EML1: variants seen among roughly 807,000 people sequenced by gnomAD.
The protein encoded by EML1 is EMAP like 1.
In EML1, 27 loss-of-function variants were observed where a neutral mutation model predicts 110.4. The ratio of observed to expected loss-of-function variants is 0.24; its 90% CI spans 0.18 to 0.34. The LOEUF is 0.34. Among genes scored for constraint, EML1 ranks in the 10% least tolerant of loss-of-function variants. The pLI, the probability that EML1 is intolerant of heterozygous loss-of-function variation, is 1.00. For missense variants in EML1, 741 were observed against 1,030.9 expected, an observed-to-expected ratio of 0.72 and a Z score of 3.85; for synonymous variants, 344 against 385.8, an observed-to-expected ratio of 0.89 and a Z score of 1.27.
chr14:99,782,979 A>G (rs936510039), intron 1 of EML1, among the ~76,000 whole-genome samples: 2 of 147,480 alleles, frequency 1.4e-5, no homozygotes, highest in African/African-American at 4.8e-5. Flanking sequence ...GAAAGACTCT[A>G]AATCGTTTAT....
chr14:99,794,269 A>G (rs962168840), intron 1 of EML1, among the ~76,000 whole-genome samples: 3 of 152,002 alleles, frequency 2.0e-5, no homozygotes, highest in Non-Finnish European at 2.9e-5. Flanking sequence ...GTTGAAAAAG[A>G]TTTTCATAGC....
intron 1 of EML1, among the ~76,000 whole-genome samples, chr14:99,759,067 G>A (rs2057287193): frequency 6.6e-6 from 1 of 152,248 alleles, no homozygotes; most frequent in Admixed American, 6.5e-5. Flanking sequence ...GCCCAGATGA[G>A]TGATTTACAT....
intron 15 of EML1, 115 bp from the exon 16 acceptor site, chr14:99,917,667 A>G: frequency 1.0e-6 from 1 of 968,676 alleles, no homozygotes; most frequent in South Asian, 1.7e-5. Flanking sequence ...AGAGCCATAT[A>G]GCCCTAAGGA....
At chr14:99,822,709 T>G (rs2058284942) in intron 1 of EML1, among the ~76,000 whole-genome samples, 1 of 152,174 alleles carries the variant, frequency 6.6e-6, no homozygotes, top group African/African-American at 2.4e-5. Flanking sequence ...GCCGTTTCTT[T>G]TTTCTTTATT....
chr14:99,824,184 T>A (rs149697127), intron 1 of EML1, among the ~76,000 whole-genome samples: 3,993 of 152,216 alleles, frequency 0.026, 85 homozygotes, highest in Non-Finnish European at 0.041. Flanking sequence ...GGTCTCAAAC[T>A]CCTGACCTCA....
chr14:99,790,145 G>A (rs1003645847), upstream of EML1, among the ~76,000 whole-genome samples: 1 of 152,062 alleles, frequency 6.6e-6, no homozygotes, highest in Non-Finnish European at 1.5e-5. Flanking sequence ...AAAGAAAGTG[G>A]ACTGAGTTCT....
chr14:99,820,950 A>T (rs898380246), intron 1 of EML1, among the ~76,000 whole-genome samples: 7 of 151,762 alleles, frequency 4.6e-5, no homozygotes, highest in Non-Finnish European at 8.8e-5. Flanking sequence ...CCCGCCCCCA[A>T]TTGCATTTGA....
At chr14:99,857,784 A>G (rs1359352296) in intron 2 of EML1, among the ~76,000 whole-genome samples, 1 of 152,226 alleles carries the variant, frequency 6.6e-6, no homozygotes, top group Non-Finnish European at 1.5e-5. Flanking sequence ...ATTCCACTGG[A>G]TGCAACATTT....
At chr14:99,749,838 C>G (rs1285090279) in intron 1 of EML1, among the ~76,000 whole-genome samples, 1 of 152,244 alleles carries the variant, frequency 6.6e-6, no homozygotes, top group African/African-American at 2.4e-5. Flanking sequence ...ACGTTCAATG[C>G]AGACAGGCTC....
chr14:99,876,560 T>G (rs923482226), intron 3 of EML1, among the ~76,000 whole-genome samples: 8 of 152,212 alleles, frequency 5.3e-5, no homozygotes, highest in African/African-American at 1.7e-4. Flanking sequence ...TCTTCTGTCC[T>G]TGGTCACCTC....
At chr14:99,775,185 A>T (rs761669600) in intron 1 of EML1, among the ~76,000 whole-genome samples, 48 of 152,230 alleles carry the variant, frequency 3.2e-4, no homozygotes, top group Admixed American at 7.2e-4. Context: ...GCATGAGCCT[A>T]TGTCTTCAAG....
At chr14:99,859,225 T>C (rs903539599) in intron 2 of EML1, among the ~76,000 whole-genome samples, 13 of 152,218 alleles carry the variant, frequency 8.5e-5, no homozygotes, top group Non-Finnish European at 1.8e-4. Context: ...TTAGTTAGAT[T>C]TTCAGTTACC....
At chr14:99,785,944 C>T (rs2057594284) in intron 1 of EML1, among the ~76,000 whole-genome samples, 4 of 151,628 alleles carry the variant, frequency 2.6e-5, no homozygotes, top group African/African-American at 4.9e-5. Context: ...CCTCCCGCAG[C>T]GCTAACCTGA....
intron 1 of EML1, among the ~76,000 whole-genome samples, chr14:99,742,775 G>A (rs953431659): frequency 3.5e-4 from 54 of 152,222 alleles, no homozygotes; most frequent in African/African-American, 1.3e-3. Context: ...TCTCCTCTCC[G>A]AGCCTCGGCG....
chr14:99,760,968 A>G (rs537043953), intron 1 of EML1, among the ~76,000 whole-genome samples: 1 of 152,146 alleles, frequency 6.6e-6, no homozygotes, highest in African/African-American at 2.4e-5. Flanking sequence ...GGGAGAAAGA[A>G]AAACAGAACC....
chr14:99,763,538 G>A (rs966831961), intron 1 of EML1, among the ~76,000 whole-genome samples: 4 of 152,288 alleles, frequency 2.6e-5, no homozygotes, highest in African/African-American at 9.6e-5. Context: ...AAGCTCACAG[G>A]CAGGACCAGC....
intron 1 of EML1, among the ~76,000 whole-genome samples, chr14:99,807,500 G>A (rs1009517497): frequency 7.2e-5 from 11 of 152,168 alleles, no homozygotes; most frequent in Non-Finnish European, 1.5e-4. Context: ...AAGGGCTGGG[G>A]TAGTGGCCAG....
rs996216734 is a variant in EML1, at chr14:99,941,716, G to A, written c.*1604G>A. 1 of 152,182 alleles carries A rather than the reference G, an allele frequency of 6.6e-6. No individual in the cohort carries two copies. The highest frequency in any genetic ancestry group is 1.5e-5 in the Non-Finnish European group (1 of 68,040). The allele number at this position is 152,182 out of a possible 1,614,324, so 9.4% of individuals were successfully genotyped here. ...AGATGGCGTGGAAGCATTCATCAGG[G>A]GAGATAACCATAAAGGATTTGGCCT... On this transcript the variant is annotated 3_prime_UTR_variant, in exon 22 of 22. Coordinates refer to ENST00000262233, the MANE Select transcript of EML1 (RefSeq NM_004434.3).
intron 15 of EML1, among the ~76,000 whole-genome samples, chr14:99,917,383 A>G (rs1249525629): frequency 6.6e-6 from 1 of 152,194 alleles, no homozygotes; most frequent in Non-Finnish European, 1.5e-5. Flanking sequence ...CAGCCTGGGC[A>G]GCATAGGGAG....
Sources: gnomAD v4.1 joint callset for allele counts (sites outside exome capture counted in the v4.1 genomes callset) on GRCh38, gnomAD v4.1.1 for gene constraint, MANE v1.5 for transcripts, NCBI Gene and HGNC (gene_info 2026-07-23, HGNC 2026-07-21) for gene names.